Variants in OSBPL1A observed in about 807,000 individuals in gnomAD.
OSBPL1A encodes the protein oxysterol binding protein like 1A, also known as oxysterol-binding protein-related protein 1.
In OSBPL1A, 80 loss-of-function variants were observed where a neutral mutation model predicts 137.1. That is an observed-to-expected ratio of 0.58 (90% CI 0.49 to 0.70). The LOEUF (loss-of-function observed/expected upper bound fraction) is 0.70, where lower values mean the gene tolerates loss of function less well. OSBPL1A is among the 30% of genes least tolerant of loss of function. The pLI is 0.00. For missense variants in OSBPL1A, 970 were observed against 1,129.4 expected, an observed-to-expected ratio of 0.86 and a Z score of 2.02; for synonymous variants, 365 against 389.7, an observed-to-expected ratio of 0.94 and a Z score of 0.75.
intron 16 of OSBPL1A, among the ~76,000 whole-genome samples, chr18:24,234,951 T>C (rs1461327433): frequency 1.3e-5 from 2 of 152,220 alleles, no homozygotes; most frequent in African/African-American, 4.8e-5. Flanking sequence ...CTGACATCAC[T>C]ACTGCATCTG....
intron 17 of OSBPL1A, among the ~76,000 whole-genome samples, chr18:24,206,569 A>C (rs544498136): frequency 6.6e-6 from 1 of 152,324 alleles, no homozygotes; most frequent in Non-Finnish European, 1.5e-5. Context: ...CTGCGCCTTA[A>C]ACATTCCATT....
chr18:24,366,220 A>G (rs1049555862), intron 4 of OSBPL1A, among the ~76,000 whole-genome samples: 8 of 152,178 alleles, frequency 5.3e-5, no homozygotes, highest in African/African-American at 1.9e-4. Context: ...AAGGGCACAG[A>G]GCACCCATGC....
At chr18:24,280,132 G>A (rs906961994) in intron 15 of OSBPL1A, among the ~76,000 whole-genome samples, 6 of 152,110 alleles carry the variant, frequency 3.9e-5, no homozygotes, top group Non-Finnish European at 8.8e-5. Flanking sequence ...TTTTAGTAGA[G>A]ATGGGGTTTC....
At chr18:24,200,561 C>CA (rs893025554) in intron 17 of OSBPL1A, among the ~76,000 whole-genome samples, 11,066 of 70,104 alleles carry the variant, frequency 0.16, 663 homozygotes, top group African/African-American at 0.24. Flanking sequence ...GACTCCGTGT[C>CA]AAAAAAAAAA....
intron 2 of OSBPL1A, 146 bp downstream of exon 2, chr18:24,377,267 G>T: frequency 1.0e-6 from 1 of 973,604 alleles, no homozygotes; most frequent in Non-Finnish European, 1.4e-6. Context: ...GGGGCTAGGA[G>T]AGACATTTCC....
chr18:24,292,166 T>C (rs1383278465), intron 14 of OSBPL1A, among the ~76,000 whole-genome samples: 5 of 152,098 alleles, frequency 3.3e-5, no homozygotes, highest in Admixed American at 6.5e-5. Flanking sequence ...TATAACCCAG[T>C]GAGGGTGAAA....
At chr18:24,174,388 C>T (rs1453253027) in intron 21 of OSBPL1A, among the ~76,000 whole-genome samples, 1 of 152,170 alleles carries the variant, frequency 6.6e-6, no homozygotes, top group African/African-American at 2.4e-5. Context: ...AAAACTTGGA[C>T]ATCTGAAATG....
At chr18:24,394,794 C>A (rs117851848) in intron 1 of OSBPL1A, among the ~76,000 whole-genome samples, 1 of 150,496 alleles carries the variant, frequency 6.6e-6, no homozygotes, top group Non-Finnish European at 1.5e-5. Flanking sequence ...TCCATTGTCA[C>A]ATGATACGAA....
intron 13 of OSBPL1A, among the ~76,000 whole-genome samples, chr18:24,310,046 C>CA (rs56309417): frequency 0.14 from 12,829 of 90,356 alleles, 895 homozygotes; most frequent in Middle Eastern, 0.21. Flanking sequence ...GACTCTGTCT[C>CA]AAAAAAAAAA....
chr18:24,310,046 CA>C (rs56309417), intron 13 of OSBPL1A, among the ~76,000 whole-genome samples: 31,640 of 89,838 alleles, frequency 0.35, 2,957 homozygotes, highest in Middle Eastern at 0.39. Context: ...GACTCTGTCT[CA>C]AAAAAAAAAA....
At chr18:24,365,448 G>C (rs925849421) in intron 4 of OSBPL1A, among the ~76,000 whole-genome samples, 4 of 152,156 alleles carry the variant, frequency 2.6e-5, no homozygotes, top group Non-Finnish European at 5.9e-5. Flanking sequence ...TCTGGGCATG[G>C]TGGCGGGTGC....
intron 17 of OSBPL1A, among the ~76,000 whole-genome samples, chr18:24,213,979 A>G (rs376603066): frequency 6.6e-6 from 1 of 152,222 alleles, no homozygotes; most frequent in Non-Finnish European, 1.5e-5. Flanking sequence ...ATATCTCTGA[A>G]TCAGGCTTTT....
At chr18:24,298,930 A>G (rs1370661908) in intron 14 of OSBPL1A, among the ~76,000 whole-genome samples, 3 of 152,142 alleles carry the variant, frequency 2.0e-5, no homozygotes, top group Non-Finnish European at 4.4e-5. Context: ...GTGGATGTAA[A>G]GTTTAGGATT....
chr18:24,377,560 G>T, intron 1 of OSBPL1A, 25 bp from the exon 2 acceptor site: 2 of 1,566,104 alleles, frequency 1.3e-6, no homozygotes, highest in Non-Finnish European at 1.7e-6. Context: ...TAATAACATT[G>T]CTATTATTTA....
intron 4 of OSBPL1A, among the ~76,000 whole-genome samples, chr18:24,358,921 A>G (rs1485033027): frequency 6.6e-6 from 1 of 151,948 alleles, no homozygotes; most frequent in East Asian, 1.9e-4. Context: ...TGAGTTTTTT[A>G]GAGATGGGGT....
chr18:24,186,701 C>T (rs529087518), intron 18 of OSBPL1A, among the ~76,000 whole-genome samples: 6 of 151,958 alleles, frequency 3.9e-5, no homozygotes, highest in East Asian at 1.9e-4. Context: ...GTCAGGAGTT[C>T]GAGACCAGCC....
chr18:24,325,081 G>A (rs368810483), intron 7 of OSBPL1A, among the ~76,000 whole-genome samples: 1 of 148,532 alleles, frequency 6.7e-6, no homozygotes, highest in Admixed American at 6.6e-5. Context: ...GCGAGACTCA[G>A]TATCGAAACA....
Position 24,271,037 on chromosome 18 carries a change from G to C in OSBPL1A, c.1281+9805C>G, listed in dbSNP as rs1435547726. Among the ~76,000 whole-genome samples, 1 of 152,124 alleles carries C rather than the reference G, an allele frequency of 6.6e-6. No homozygotes were observed. Among genetic ancestry groups the C allele is most frequent in the African/African-American group, 2.4e-5 (1 of 41,430 alleles). Reference sequence around the variant, plus strand: ...GGAAACGTGATTCCCCGCTGGTTTAGGCTACAAAGAAAGCCTGTGAGTAAT... The same window carrying C: ...GGAAACGTGATTCCCCGCTGGTTTACGCTACAAAGAAAGCCTGTGAGTAAT... On this transcript the variant is annotated intron_variant, in intron 15 of 27. Transcript: ENST00000319481. The surrounding 1 kb of genome is among the most constrained non-coding windows in gnomAD (Gnocchi z 4.0).
intron 15 of OSBPL1A, among the ~76,000 whole-genome samples, chr18:24,240,262 C>T (rs141916606): frequency 6.8e-4 from 103 of 152,238 alleles, no homozygotes; most frequent in Admixed American, 1.2e-3. Flanking sequence ...GGTTTCAACT[C>T]CACATTTTAC....
Sources: gnomAD v4.1 joint callset for allele counts (sites outside exome capture counted in the v4.1 genomes callset) on GRCh38, gnomAD v4.1.1 for gene constraint, Gnocchi (gnomAD v3.1) non-coding constraint, MANE v1.5 for transcripts, NCBI Gene and HGNC (gene_info 2026-07-23, HGNC 2026-07-21) for gene names.